L2HGDH: variants seen among roughly 807,000 people sequenced by gnomAD.
The protein encoded by L2HGDH is L-2-hydroxyglutarate dehydrogenase, mitochondrial.
A neutral mutation model predicts 51.5 loss-of-function variants in L2HGDH; 34 were observed. That is an observed-to-expected ratio of 0.66 (90% CI 0.50 to 0.88). The LOEUF (loss-of-function observed/expected upper bound fraction) is 0.88, where lower values mean the gene tolerates loss of function less well. L2HGDH is among the 40% of genes least tolerant of loss of function. The pLI is 0.00. For missense variants in L2HGDH, 558 were observed against 571.9 expected, an observed-to-expected ratio of 0.98 and a Z score of 0.25; for synonymous variants, 198 against 197.9, an observed-to-expected ratio of 1.00 and a Z score of -0.01.
chr14:50,274,995 G>A (rs1283164274), intron 6 of L2HGDH, among the ~76,000 whole-genome samples: 1 of 151,556 alleles, frequency 6.6e-6, no homozygotes, highest in East Asian at 1.9e-4. Context: ...TGGGATGATA[G>A]CAGTCAAAGG....
chr14:50,259,938 AG>A (rs1363751428), intron 9 of L2HGDH, among the ~76,000 whole-genome samples: 1 of 119,990 alleles, frequency 8.3e-6, no homozygotes, highest in African/African-American at 3.1e-5. Flanking sequence ...CTTGAATTAG[AG>A]GGGGTGGGGA....
intron 1 of L2HGDH, among the ~76,000 whole-genome samples, chr14:50,308,503 G>T (rs2030864046): frequency 6.6e-6 from 1 of 152,074 alleles, no homozygotes; most frequent in Admixed American, 6.6e-5. Context: ...ATTAGTCAAT[G>T]CATTGTTCAA....
At position 50,269,249 on chromosome 14, in the gene L2HGDH, G is replaced by C; in HGVS notation, c.820C>G (p.Pro274Ala). The change falls in exon 7 of 10, where the codon CCT becomes GCT. Residue 274 changes from proline to alanine, a missense_variant. Coordinates refer to ENST00000267436, the MANE Select transcript of L2HGDH (RefSeq NM_024884.3). ...CGGAATGGTACAATTCGAGGATCAG[G>C]AGTGCAGCCACTCAACTCTGAAATA... ...DRISELSGCTPDPRIVPFRGD... is the reference protein window; with the variant it reads ...DRISELSGCTADPRIVPFRGD... The C allele has an allele frequency of 2.5e-6, 4 of 1,613,824 alleles. No individual in the cohort carries two copies. The highest frequency in any genetic ancestry group is 3.4e-6 in the Non-Finnish European group (4 of 1,179,842).
intron 9 of L2HGDH, among the ~76,000 whole-genome samples, chr14:50,259,710 T>C (rs965491636): frequency 4.0e-5 from 6 of 151,636 alleles, no homozygotes; most frequent in African/African-American, 1.5e-4. Flanking sequence ...GGCACATGCC[T>C]GTAATCCCAG....
At chr14:50,302,617 G>C (rs908464237) in intron 2 of L2HGDH, among the ~76,000 whole-genome samples, 8 of 152,194 alleles carry the variant, frequency 5.3e-5, no homozygotes, top group African/African-American at 1.9e-4. Flanking sequence ...CCACAATCTT[G>C]ATGTGTTCTC....
At chr14:50,251,877 C>T (rs1407276115) in intron 9 of L2HGDH, among the ~76,000 whole-genome samples, 2 of 152,002 alleles carry the variant, frequency 1.3e-5, no homozygotes, top group African/African-American at 4.8e-5. Flanking sequence ...GAGAGTTCTT[C>T]AATCTGAAAG....
intron 9 of L2HGDH, among the ~76,000 whole-genome samples, chr14:50,262,428 CA>C (rs10710877): frequency 0.61 from 69,616 of 113,344 alleles, 18,482 homozygotes; most frequent in Non-Finnish European, 0.67. Context: ...GACTCTGTCT[CA>C]AAAAAAAAAA....
rs1423469190 is a variant in L2HGDH at position 50,267,772 on chromosome 14, T to A, written c.1045A>T (p.Met349Leu). 2 of 1,611,644 alleles carry A rather than the reference T, an allele frequency of 1.2e-6. No homozygotes were observed. The highest frequency in any genetic ancestry group is 1.3e-5 in the African/African-American group (1 of 74,894). Reference sequence around the variant, plus strand: ...TGTTACCTATTGATAATTATATCCATAACATCTGTGGCACTGAAGTCAAAG... The same window carrying A: ...TGTTACCTATTGATAATTATATCCAAAACATCTGTGGCACTGAAGTCAAAG... ...RPFDFSATDV[M>L]DIIINSGLIK... Residue 349 changes from methionine (M) to leucine (L), a missense_variant, in exon 8 of 10, where the codon ATG (methionine) becomes TTG (leucine). Met to Leu is a conservative substitution (Grantham distance 15). Around this residue, in one of 3 missense-constraint regions of L2HGDH, gnomAD observed 321 missense variants for 311.8 expected, o/e 1.03. Transcript: ENST00000267436.
intron 4 of L2HGDH, among the ~76,000 whole-genome samples, chr14:50,291,336 T>C (rs2139185904): frequency 6.7e-6 from 1 of 150,158 alleles, no homozygotes; most frequent in East Asian, 2.0e-4. Flanking sequence ...TTGCTCAGAG[T>C]ATGAAATAAG....
chr14:50,269,379 G>A (rs1231988726), intron 6 of L2HGDH, 49 bp from the exon 7 acceptor site: 4 of 1,536,620 alleles, frequency 2.6e-6, no homozygotes, highest in African/African-American at 1.4e-5. Flanking sequence ...GAGTAGAATA[G>A]GTCAAGAGGG....
In L2HGDH at chr14:50,245,244, AGT is replaced by A; in HGVS notation, c.*1812_*1813del. The A allele has an allele frequency of 2.0e-6, 2 of 985,146 alleles. No individual in the cohort carries two copies. Among genetic ancestry groups the A allele is most frequent in the Non-Finnish European group, 2.4e-6 (2 of 829,640 alleles). The allele number at this position is 985,146 out of a possible 1,614,324, so 61.0% of individuals were successfully genotyped here. A position where few individuals can be genotyped will look rare whatever the true frequency, so the allele number is the denominator to read the frequency against. On this transcript the variant is annotated 3_prime_UTR_variant, in exon 10 of 10. Coordinates refer to ENST00000267436, the MANE Select transcript of L2HGDH (RefSeq NM_024884.3). ...TCTTGGCCAACATTTTGAGAGCCTT[AGT>A]GTGACTAAAGATCAGAGATATAATA...
intron 1 of L2HGDH, among the ~76,000 whole-genome samples, chr14:50,309,688 C>CTT (rs11375607): frequency 0.013 from 1,896 of 142,666 alleles, 43 homozygotes; most frequent in Middle Eastern, 0.062. Flanking sequence ...TTATACCACC[C>CTT]TTTTTTTTTT....
chr14:50,282,553 G>A (rs375414896), intron 5 of L2HGDH: 31 of 455,916 alleles, frequency 6.8e-5, no homozygotes, highest in Middle Eastern at 6.5e-4. Context: ...AATTAACTAT[G>A]TGGGCTTTAG....
At chr14:50,256,804 A>G (rs1471988048) in intron 9 of L2HGDH, among the ~76,000 whole-genome samples, 1 of 152,082 alleles carries the variant, frequency 6.6e-6, no homozygotes, top group African/African-American at 2.4e-5. Flanking sequence ...TGCACTGTAC[A>G]TCTTGAATTT....
At chr14:50,281,933 C>G (rs761195855) in intron 5 of L2HGDH, among the ~76,000 whole-genome samples, 1 of 152,170 alleles carries the variant, frequency 6.6e-6, no homozygotes, top group African/African-American at 2.4e-5. Flanking sequence ...CTCCACCTCC[C>G]GGGTTCAAGC....
intron 9 of L2HGDH, among the ~76,000 whole-genome samples, chr14:50,249,678 G>A (rs1232342127): frequency 6.6e-6 from 1 of 152,026 alleles, no homozygotes; most frequent in Non-Finnish European, 1.5e-5. Context: ...CATGGGCCTT[G>A]GATGAGACTC....
chr14:50,255,957 C>T (rs944045181), intron 9 of L2HGDH, among the ~76,000 whole-genome samples: 20 of 151,384 alleles, frequency 1.3e-4, no homozygotes, highest in Non-Finnish European at 2.5e-4. Flanking sequence ...GAACCCAGAT[C>T]GCACCACTGC....
chr14:50,258,235 G>A (rs1803908566), intron 9 of L2HGDH, among the ~76,000 whole-genome samples: 1 of 151,498 alleles, frequency 6.6e-6, no homozygotes, highest in African/African-American at 2.4e-5. Flanking sequence ...ATTTTTTTTA[G>A]AGACAGGCCT....
chr14:50,255,919 T>C (rs1888639743), intron 9 of L2HGDH, among the ~76,000 whole-genome samples: 1 of 151,792 alleles, frequency 6.6e-6, no homozygotes, highest in Admixed American at 6.6e-5. Flanking sequence ...TCCCAGCTAC[T>C]TGGGAGGCTG....
Sources: allele counts gnomAD v4.1 joint callset (sites outside exome capture counted in the v4.1 genomes callset), GRCh38; gene constraint gnomAD v4.1.1; regional missense constraint gnomAD v4.1.1; transcripts MANE v1.5; gene names NCBI Gene and HGNC (gene_info 2026-07-23, HGNC 2026-07-21).